The following ADAM23 variants were observed in gnomAD, a reference collection of about 807,000 sequenced individuals.
ADAM23 encodes ADAM metallopeptidase domain 23, also known as disintegrin and metalloproteinase domain-containing protein 23.
In ADAM23, 33 loss-of-function variants were observed where a neutral mutation model predicts 120.1. The ratio of observed to expected loss-of-function variants is 0.27; its 90% confidence interval spans 0.21 to 0.37. The LOEUF (loss-of-function observed/expected upper bound fraction) is 0.37, where lower values mean the gene tolerates loss of function less well. Among genes scored for constraint, ADAM23 ranks in the 10% least tolerant of loss-of-function variants. The pLI is 1.00. For synonymous variants in ADAM23, 367 were observed against 375.2 expected (o/e 0.98, Z 0.25); for missense variants, 862 against 1,058.2 (o/e 0.81, Z 2.57).
chr2:206,614,511 C>T (rs1315704838), intron 25 of ADAM23, among the ~76,000 whole-genome samples: 2 of 151,784 alleles, frequency 1.3e-5, no homozygotes, highest in East Asian at 1.9e-4. Context: ...AAAAATTAAC[C>T]GGGCATGGTG....
chr2:206,492,006 T>C lies in ADAM23; in HGVS notation c.509+10698T>C, dbSNP rs548931249. Among the ~76,000 whole-genome samples the C allele has an allele frequency of 3.9e-5, 6 of 152,334 alleles. No homozygotes were observed. The East Asian group carries it at 1.2e-3, about 29-fold the overall frequency. Reference sequence around the variant, plus strand: ...CGAGCACTTTTATTTCACAAATGTTTATTGAGTGCCTGCTAAGTGCCAGGC... The same window carrying C: ...CGAGCACTTTTATTTCACAAATGTTCATTGAGTGCCTGCTAAGTGCCAGGC... On this transcript the variant is annotated intron_variant, in intron 3 of 25. Transcript: ENST00000264377.
At chr2:206,550,991 C>T (rs1559260174) in intron 9 of ADAM23, among the ~76,000 whole-genome samples, 1 of 152,180 alleles carries the variant, frequency 6.6e-6, no homozygotes, top group Non-Finnish European at 1.5e-5. Context: ...TTCAGTAACA[C>T]TTAAAAGATA....
chr2:206,609,088 T>C (rs935166059), intron 24 of ADAM23, among the ~76,000 whole-genome samples: 2 of 152,208 alleles, frequency 1.3e-5, no homozygotes, highest in Non-Finnish European at 2.9e-5. Flanking sequence ...GTTACTAGGA[T>C]ATGGATTAGC....
At chr2:206,613,274 G>A (rs772001362) in intron 25 of ADAM23, among the ~76,000 whole-genome samples, 14 of 152,088 alleles carry the variant, frequency 9.2e-5, no homozygotes, top group Non-Finnish European at 1.9e-4. Context: ...GGCCAGGCAG[G>A]TCTGGAACTT....
At chr2:206,493,675 A>G (rs1268545161) in intron 3 of ADAM23, among the ~76,000 whole-genome samples, 1 of 152,202 alleles carries the variant, frequency 6.6e-6, no homozygotes, top group African/African-American at 2.4e-5. Context: ...CCTAGCCTAT[A>G]TTGGCTTTTT....
intron 18 of ADAM23, among the ~76,000 whole-genome samples, chr2:206,587,086 T>C: frequency 6.6e-6 from 1 of 152,204 alleles, no homozygotes; most frequent in East Asian, 1.9e-4. Flanking sequence ...GTTATTCTGG[T>C]CCATCTCACC....
At position 206,515,626 on chromosome 2, in the gene ADAM23, G is replaced by T. The variant is rs1446160631; in HGVS notation, c.510-15259G>T. Among the ~76,000 whole-genome samples, 3 of 152,138 alleles carry T rather than the reference G, an allele frequency of 2.0e-5. No homozygotes were observed. In the South Asian group the frequency reaches 6.2e-4, roughly 31 times the overall value. ...AATCCTGTCTGGTCTATTATTTCGTGAAATTTTTGAACTTTTCCATGCTTT... is the reference window on the plus strand; with the variant it reads ...AATCCTGTCTGGTCTATTATTTCGTTAAATTTTTGAACTTTTCCATGCTTT... On this transcript the variant is annotated intron_variant, in intron 3 of 25. Transcript: ENST00000264377.
intron 24 of ADAM23, among the ~76,000 whole-genome samples, chr2:206,596,574 C>T (rs1353381899): frequency 6.6e-6 from 1 of 152,206 alleles, no homozygotes; most frequent in Non-Finnish European, 1.5e-5. Context: ...GAAGTTGTCA[C>T]CTTACAAGCT....
At position 206,443,817 on chromosome 2, in the gene ADAM23, G is replaced by A. The variant is rs1574470138; in HGVS notation, c.-50G>A. 1 of 1,026,038 alleles carries A rather than the reference G, an allele frequency of 9.7e-7. No individual in the cohort carries two copies. Among genetic ancestry groups the A allele is most frequent in the South Asian group, 4.4e-5 (1 of 22,668 alleles). The allele number at this position is 1,026,038 out of a possible 1,614,324, so 63.6% of individuals were successfully genotyped here. A position where few individuals can be genotyped will look rare whatever the true frequency, so the allele number is the denominator to read the frequency against. ...TCCGCCCGCGGCCGCCCCGCAGCTA[G>A]CCCGGCGCTCTCGCCGGCCACACGG... On this transcript the variant is annotated 5_prime_UTR_variant, in exon 1 of 26. Transcript: ENST00000264377.
intron 18 of ADAM23, 62 bp downstream of exon 18, chr2:206,573,257 C>T (rs372896530): frequency 1.3e-6 from 2 of 1,481,840 alleles, no homozygotes; most frequent in African/African-American, 2.8e-5. Context: ...TTCCTTACCA[C>T]AGTGCTTGGG....
At chr2:206,545,088 A>G (rs923658601) in intron 6 of ADAM23, among the ~76,000 whole-genome samples, 1 of 152,196 alleles carries the variant, frequency 6.6e-6, no homozygotes, top group Non-Finnish European at 1.5e-5. Context: ...AGATCAGTGA[A>G]AAGAACTGTA....
chr2:206,598,571 T>A (rs72956643), intron 24 of ADAM23, among the ~76,000 whole-genome samples: 1,975 of 152,110 alleles, frequency 0.013, 15 homozygotes, highest in Non-Finnish European at 0.019. Flanking sequence ...AATTTGAAAA[T>A]ACGGAAAATA....
intron 20 of ADAM23, 23 bp downstream of exon 20, chr2:206,588,177 G>C: frequency 6.2e-7 from 1 of 1,612,410 alleles, no homozygotes; most frequent in Non-Finnish European, 8.5e-7. Context: ...TCCTTGCTTG[G>C]CGGTTACACA....
At chr2:206,460,295 T>C (rs1695389591) in intron 2 of ADAM23, among the ~76,000 whole-genome samples, 2 of 152,214 alleles carry the variant, frequency 1.3e-5, no homozygotes, top group South Asian at 4.1e-4. Context: ...TGGAGGAACC[T>C]CCATAGCATT....
At chr2:206,549,276 T>C (rs1697463875) in intron 8 of ADAM23, among the ~76,000 whole-genome samples, 1 of 151,202 alleles carries the variant, frequency 6.6e-6, no homozygotes, top group Non-Finnish European at 1.5e-5. Flanking sequence ...TTATATATTA[T>C]ATAAATTATT....
intron 18 of ADAM23, among the ~76,000 whole-genome samples, chr2:206,576,800 C>T (rs1045857878): frequency 1.3e-5 from 2 of 152,082 alleles, no homozygotes; most frequent in East Asian, 1.9e-4. Flanking sequence ...ACAATACTTA[C>T]GTAATTAAGA....
intron 3 of ADAM23, among the ~76,000 whole-genome samples, chr2:206,513,238 A>G (rs1696662575): frequency 6.6e-6 from 1 of 152,212 alleles, no homozygotes; most frequent in Admixed American, 6.5e-5. Flanking sequence ...GACAGGTTGA[A>G]ACTGAGGCCT....
chr2:206,581,965 CCT>C (rs1479701122), intron 18 of ADAM23, among the ~76,000 whole-genome samples: 2 of 152,080 alleles, frequency 1.3e-5, no homozygotes, highest in Non-Finnish European at 2.9e-5. Flanking sequence ...GCAACCTCTG[CCT>C]CCCAGGTTCA....
chr2:206,476,637 G>T (rs745827340), intron 2 of ADAM23, among the ~76,000 whole-genome samples: 1 of 152,136 alleles, frequency 6.6e-6, no homozygotes, highest in Non-Finnish European at 1.5e-5. Context: ...CACCCCATCC[G>T]TGGAAAAATT....
Sources: allele counts gnomAD v4.1 joint callset (sites outside exome capture counted in the v4.1 genomes callset), GRCh38; gene constraint gnomAD v4.1.1; transcripts MANE v1.5; gene names NCBI Gene and HGNC (gene_info 2026-07-23, HGNC 2026-07-21).